Variants in NTN1 observed in about 807,000 individuals in gnomAD.
The protein encoded by NTN1 is netrin 1, also known as netrin-1.
Under a neutral mutation model 54.2 loss-of-function variants are expected in NTN1, and 11 were observed. The observed-to-expected ratio is 0.20, with a 90% CI of 0.13 to 0.34. The LOEUF is 0.34. Ranked by LOEUF, NTN1 falls within the 10% of genes least tolerant of loss-of-function variation. The pLI is 1.00. For missense variants in NTN1, 740 were observed against 893.1 expected (o/e 0.83, Z 2.18); for synonymous variants, 371 against 382.0 (o/e 0.97, Z 0.33).
intron 2 of NTN1, among the ~76,000 whole-genome samples, chr17:9,136,942 C>T (rs1478957188): frequency 3.9e-5 from 6 of 152,096 alleles, no homozygotes; most frequent in East Asian, 1.9e-4. Context: ...ATCACTTCAG[C>T]GCACAAAAAG....
At position 9,232,146 on chromosome 17, in the gene NTN1, G is replaced by A. The variant is rs143237919; in HGVS notation, c.1487-7494G>A. ...CTCTGGTGGGCCCAGCCCCTTAAAG[G>A]GTCGGGGGGACAAGTGTGGAATTCG... On this transcript the variant is annotated intron_variant, in intron 6 of 6. Coordinates refer to ENST00000173229, the MANE Select transcript of NTN1 (RefSeq NM_004822.3). Among the ~76,000 whole-genome samples, 272 of 152,284 alleles carry A rather than the reference G, an allele frequency of 1.8e-3. 3 individuals carry two copies. The highest frequency in any genetic ancestry group is 6.2e-3 in the African/African-American group (256 of 41,560).
chr17:9,074,431 G>A (rs1384700782), intron 2 of NTN1, among the ~76,000 whole-genome samples: 2 of 152,202 alleles, frequency 1.3e-5, no homozygotes, highest in Non-Finnish European at 2.9e-5. Flanking sequence ...TGGAGCGGGT[G>A]AGTGAGTGTG....
intron 2 of NTN1, among the ~76,000 whole-genome samples, chr17:9,154,952 T>G (rs1328453384): frequency 6.6e-6 from 1 of 152,086 alleles, no homozygotes. Context: ...TTCTTTTCCA[T>G]TGAGTTCCAG....
At chr17:9,225,759 T>G (rs371453121) in intron 6 of NTN1, among the ~76,000 whole-genome samples, 2 of 151,112 alleles carry the variant, frequency 1.3e-5, no homozygotes, top group African/African-American at 4.9e-5. Flanking sequence ...GGAGGCTGCA[T>G]AATCCCCGCT....
At chr17:9,086,974 C>T (rs1356001206) in intron 2 of NTN1, among the ~76,000 whole-genome samples, 2 of 152,194 alleles carry the variant, frequency 1.3e-5, no homozygotes, top group African/African-American at 4.8e-5. Flanking sequence ...GCTTGACCAC[C>T]TTCTGTGTGC....
intron 2 of NTN1, among the ~76,000 whole-genome samples, chr17:9,047,417 A>G (rs11870597): frequency 2.1e-4 from 32 of 152,346 alleles, no homozygotes; most frequent in African/African-American, 7.2e-4. Context: ...TGCTCATAGC[A>G]TCTTCACCAG....
chr17:9,220,505 G>T (rs1485323197), intron 5 of NTN1, among the ~76,000 whole-genome samples: 1 of 152,096 alleles, frequency 6.6e-6, no homozygotes, highest in Non-Finnish European at 1.5e-5. Flanking sequence ...GCAGGCCCTG[G>T]TGCCCTCCAC....
intron 2 of NTN1, among the ~76,000 whole-genome samples, chr17:9,028,850 C>G (rs1268454197): frequency 6.6e-6 from 1 of 152,128 alleles, no homozygotes; most frequent in Admixed American, 6.5e-5. Context: ...ACTGCCTTTA[C>G]CAAAATAAAT....
At chr17:9,080,917 A>G (rs1014076356) in intron 2 of NTN1, among the ~76,000 whole-genome samples, 28 of 152,194 alleles carry the variant, frequency 1.8e-4, no homozygotes, top group African/African-American at 6.8e-4. Context: ...CACCCTATGT[A>G]TCTCTTCACC....
chr17:9,053,012 C>G (rs2091965972), intron 2 of NTN1, among the ~76,000 whole-genome samples: 1 of 152,168 alleles, frequency 6.6e-6, no homozygotes, highest in Non-Finnish European at 1.5e-5. Context: ...AGAACCAGGC[C>G]CAAAGTTGAT....
chr17:9,227,752 TCA>T (rs1403683818), intron 6 of NTN1, among the ~76,000 whole-genome samples: 7 of 149,128 alleles, frequency 4.7e-5, no homozygotes, highest in Admixed American at 2.7e-4. Context: ...ACACACAGAC[TCA>T]CACATTTATC....
At chr17:9,038,926 T>G (rs1426532525) in intron 2 of NTN1, among the ~76,000 whole-genome samples, 1 of 152,202 alleles carries the variant, frequency 6.6e-6, no homozygotes, top group Non-Finnish European at 1.5e-5. Flanking sequence ...CATCTGGAAT[T>G]AATCGTGACA....
intron 2 of NTN1, among the ~76,000 whole-genome samples, chr17:9,103,588 A>G (rs1325721713): frequency 6.6e-6 from 1 of 152,104 alleles, no homozygotes; most frequent in Non-Finnish European, 1.5e-5. Flanking sequence ...CTCGCCAGCC[A>G]TGGTGAACTG....
chr17:9,235,933 G>A (rs1450455834), intron 6 of NTN1, among the ~76,000 whole-genome samples: 1 of 151,840 alleles, frequency 6.6e-6, no homozygotes, highest in East Asian at 1.9e-4. Flanking sequence ...TTGTATTTTA[G>A]TAGAGACAAT....
intron 5 of NTN1, among the ~76,000 whole-genome samples, chr17:9,213,450 A>G (rs1375571409): frequency 4.6e-5 from 7 of 152,172 alleles, no homozygotes; most frequent in East Asian, 1.9e-4. Flanking sequence ...TTACTCCTGC[A>G]TGGAGCAAGT....
intron 2 of NTN1, among the ~76,000 whole-genome samples, chr17:9,109,863 A>G (rs1330381332): frequency 2.6e-5 from 4 of 152,220 alleles, no homozygotes; most frequent in South Asian, 2.1e-4. Flanking sequence ...ATGTCTGATT[A>G]TTGTGAGGTT....
chr17:9,004,056 C>T, the NTN1 span, among the ~76,000 whole-genome samples: 1 of 152,194 alleles, frequency 6.6e-6, no homozygotes, highest in African/African-American at 2.4e-5. Flanking sequence ...ACTGGAGACT[C>T]GGGTGAAGGC....
chr17:9,007,816 C>CCAACTCCTGGGCT, the NTN1 span, among the ~76,000 whole-genome samples: 2 of 152,032 alleles, frequency 1.3e-5, no homozygotes, highest in Non-Finnish European at 2.9e-5. Flanking sequence ...ATTGTAACCT[C>CCAACTCCTGGGCT]CAACTCCTGG....
intron 5 of NTN1, among the ~76,000 whole-genome samples, chr17:9,199,905 TTG>T (rs1904734796): frequency 6.6e-6 from 1 of 152,124 alleles, no homozygotes; most frequent in African/African-American, 2.4e-5. Flanking sequence ...TTGAGGAGCT[TTG>T]TGTGTGTTTG....
Sources: gnomAD v4.1 joint callset for allele counts (sites outside exome capture counted in the v4.1 genomes callset) on GRCh38, gnomAD v4.1.1 for gene constraint, MANE v1.5 for transcripts, NCBI Gene and HGNC (gene_info 2026-07-23, HGNC 2026-07-21) for gene names.